Variants in STX7 observed in about 807,000 individuals in gnomAD.
STX7 encodes the protein syntaxin-7.
Under a neutral mutation model 39.6 loss-of-function variants are expected in STX7, and 34 were observed. That is an observed-to-expected ratio of 0.86 (90% CI 0.65 to 1.14). The LOEUF is 1.14. Ranked by LOEUF, STX7 falls within the 50% of genes most tolerant of loss-of-function variation. STX7 has a pLI of 0.00. For missense variants in STX7, 284 were observed against 310.4 expected (o/e 0.92, Z 0.64); for synonymous variants, 119 against 99.1 (o/e 1.20, Z -1.19).
intron 1 of STX7, among the ~76,000 whole-genome samples, chr6:132,509,503 A>C (rs1562343720): frequency 0.014 from 2,038 of 144,246 alleles, 148 homozygotes; most frequent in Admixed American, 0.035. Flanking sequence ...ATAACATAAC[A>C]TAACATAACA....
Position 132,474,074 on chromosome 6 carries a change from C to A in STX7, c.155+1519G>T, listed in dbSNP as rs138129873. ...CAAAACACCATCTCTACAAAAAATA[C>A]AAAAATTAGCCAGGCATGGTGGATG... On this transcript the variant is annotated intron_variant, in intron 3 of 9. Transcript: ENST00000367941. Among the ~76,000 whole-genome samples, 117 of 151,480 alleles carry A rather than the reference C, an allele frequency of 7.7e-4. No homozygotes were observed. In the East Asian group the frequency reaches 0.02, roughly 26 times the overall value.
chr6:132,486,169 C>CT (rs778942587), intron 2 of STX7, among the ~76,000 whole-genome samples: 9 of 152,080 alleles, frequency 5.9e-5, no homozygotes, highest in Non-Finnish European at 1.3e-4. Context: ...GGTTTTAATT[C>CT]TTTTTTTCCT....
At chr6:132,461,121 C>T (rs1264868122) in intron 9 of STX7, among the ~76,000 whole-genome samples, 1 of 152,042 alleles carries the variant, frequency 6.6e-6, no homozygotes, top group African/African-American at 2.4e-5. Context: ...GTGTGGCTGA[C>T]CTTAAGAAAG....
intron 1 of STX7, among the ~76,000 whole-genome samples, chr6:132,509,408 C>T (rs1276705975): frequency 3.4e-5 from 5 of 148,950 alleles, no homozygotes; most frequent in African/African-American, 7.6e-5. Flanking sequence ...GCCAAGATCA[C>T]GCCACTGCAC....
At chr6:132,473,517 G>GTTTTTTTTTTTTTT (rs752590497) in intron 3 of STX7, among the ~76,000 whole-genome samples, 3 of 125,786 alleles carry the variant, frequency 2.4e-5, no homozygotes, top group East Asian at 2.3e-4. Flanking sequence ...TTATTATTGT[G>GTTTTTTTTTTTTTT]TTGTTTTTTT....
chr6:132,466,652 ACAC>A (rs1391783657), intron 8 of STX7, among the ~76,000 whole-genome samples: 2 of 152,182 alleles, frequency 1.3e-5, no homozygotes, highest in African/African-American at 2.4e-5. Context: ...TACTATGTGT[ACAC>A]AGATCACTCC....
At chr6:132,470,650 G>C in intron 5 of STX7, 24 bp from the exon 6 acceptor site, 2 of 1,585,906 alleles carry the variant, frequency 1.3e-6, no homozygotes, top group Admixed American at 1.7e-5. Flanking sequence ...TAACAGGATG[G>C]AATGAGAAGG....
At chr6:132,506,356 C>A (rs982371365) in intron 1 of STX7, among the ~76,000 whole-genome samples, 20 of 152,014 alleles carry the variant, frequency 1.3e-4, no homozygotes, top group Non-Finnish European at 2.5e-4. Flanking sequence ...ACACATCCAA[C>A]GAGATTAATA....
At chr6:132,499,440 GTGGGTGCT>G (rs1318316947) in intron 2 of STX7, among the ~76,000 whole-genome samples, 6 of 135,950 alleles carry the variant, frequency 4.4e-5, no homozygotes, top group Admixed American at 2.8e-4. Flanking sequence ...AATGGAAAGA[GTGGGTGCT>G]TCTCCTTCCC....
chr6:132,464,091 C>T lies in STX7; in HGVS notation c.611-16G>A, dbSNP rs760171809. The T allele has an allele frequency of 1.9e-6, 3 of 1,608,706 alleles. No homozygotes were observed. In the Admixed American group the frequency reaches 5.0e-5, roughly 27 times the overall value. ...TCTATGCTATCTGTAAAATAAAACA[C>T]ACACACACAAATGTGTTAAACATGG... On this transcript the variant is annotated splice_polypyrimidine_tract_variant and intron_variant, in intron 8 of 9. Transcript: ENST00000367941.
intron 2 of STX7, among the ~76,000 whole-genome samples, chr6:132,483,454 T>C (rs984224326): frequency 1.3e-5 from 2 of 152,196 alleles, no homozygotes; most frequent in African/African-American, 2.4e-5. Context: ...TTTAACAATG[T>C]CACAAAATTT....
At chr6:132,508,665 A>G (rs1775766737) in intron 1 of STX7, among the ~76,000 whole-genome samples, 1 of 151,964 alleles carries the variant, frequency 6.6e-6, no homozygotes, top group African/African-American at 2.4e-5. Flanking sequence ...ACCTGCCACC[A>G]CATCCCACTA....
At chr6:132,500,238 T>G (rs538126871) in intron 2 of STX7, among the ~76,000 whole-genome samples, 1 of 152,158 alleles carries the variant, frequency 6.6e-6, no homozygotes, top group Admixed American at 6.5e-5. Flanking sequence ...ATGCCTCCAG[T>G]GATTTCCACT....
intron 1 of STX7, among the ~76,000 whole-genome samples, chr6:132,508,276 C>T (rs1035980788): frequency 1.3e-5 from 2 of 152,192 alleles, no homozygotes; most frequent in South Asian, 2.1e-4. Flanking sequence ...ATTTTCCTTA[C>T]CCTTAAAACT....
At position 132,464,087 on chromosome 6, in the gene STX7, AAC is replaced by A. The variant is rs753333223; in HGVS notation, c.611-14_611-13del. ...GGCTTCTATGCTATCTGTAAAATAA[AAC>A]ACACACACACAAATGTGTTAAACAT... On this transcript the variant is annotated splice_polypyrimidine_tract_variant and intron_variant, in intron 8 of 9. Transcript: ENST00000367941. 8.3e-5 allele frequency: 133 copies of A among 1,601,920 alleles called. No homozygotes were observed. Among genetic ancestry groups the A allele is most frequent in the South Asian group, 2.1e-4 (19 of 90,582 alleles).
intron 1 of STX7, among the ~76,000 whole-genome samples, chr6:132,510,872 T>A (rs188994439): frequency 6.6e-6 from 1 of 152,334 alleles, no homozygotes; most frequent in African/African-American, 2.4e-5. Context: ...TAAAATTTAA[T>A]CTTGAAGTGT....
At chr6:132,512,114 T>G (rs928269249) in intron 1 of STX7, among the ~76,000 whole-genome samples, 3 of 151,780 alleles carry the variant, frequency 2.0e-5, no homozygotes, top group Admixed American at 1.3e-4. Context: ...TCAGAGAACC[T>G]GCAGAAGAAA....
chr6:132,510,189 T>TA (rs1775811774), intron 1 of STX7, among the ~76,000 whole-genome samples: 3 of 152,212 alleles, frequency 2.0e-5, no homozygotes, highest in Admixed American at 1.3e-4. Flanking sequence ...TACAATTAAT[T>TA]ACAATTTATT....
chr6:132,497,104 C>G (rs573541044), intron 2 of STX7, among the ~76,000 whole-genome samples: 1 of 152,102 alleles, frequency 6.6e-6, no homozygotes, highest in East Asian at 1.9e-4. Context: ...CATACATGCA[C>G]CAAAAGAACA....
Sources: allele counts gnomAD v4.1 joint callset (sites outside exome capture counted in the v4.1 genomes callset), GRCh38; gene constraint gnomAD v4.1.1; transcripts MANE v1.5; gene names NCBI Gene and HGNC (gene_info 2026-07-23, HGNC 2026-07-21).